RALYL: variants seen among roughly 807,000 people sequenced by gnomAD.
RALYL encodes the protein RNA-binding Raly-like protein.
A neutral mutation model predicts 35.1 loss-of-function variants in RALYL; 29 were observed. That is an observed-to-expected ratio of 0.83 (90% CI 0.61 to 1.13). RALYL has a LOEUF of 1.13. RALYL is among the 50% of genes most tolerant of loss of function. RALYL has a pLI of 0.00. For missense variants in RALYL, 359 were observed against 360.4 expected (o/e 1.00, Z 0.03); for synonymous variants, 120 against 127.6 (o/e 0.94, Z 0.40).
intron 2 of RALYL, among the ~76,000 whole-genome samples, chr8:84,618,192 G>T (rs1235701150): frequency 6.6e-6 from 1 of 151,808 alleles, no homozygotes; most frequent in Non-Finnish European, 1.5e-5. Flanking sequence ...TTGTACCTCT[G>T]GTAGAATTCG....
At chr8:84,486,560 G>T (rs1203207947) in intron 1 of RALYL, among the ~76,000 whole-genome samples, 3 of 151,676 alleles carry the variant, frequency 2.0e-5, no homozygotes, top group African/African-American at 4.8e-5. Context: ...TTGGTCAGAG[G>T]ATACTTTTTA....
rs555299940 is a variant in RALYL, at chr8:84,454,595, T to A, written c.-23-74704T>A. Among the ~76,000 whole-genome samples, 3 of 152,240 alleles carry A rather than the reference T, an allele frequency of 2.0e-5. No individual in the cohort carries two copies. The South Asian group carries it at 6.2e-4, about 32-fold the overall frequency. On this transcript the variant is annotated intron_variant, in intron 1 of 8. Coordinates refer to ENST00000521268, the MANE Select transcript of RALYL (RefSeq NM_173848.7). ...TTAAAACTACGAGCTAGGGGCCACATGCACTGGCTGAGGCTTTGTGGCCAC... is the reference window on the plus strand; with the variant it reads ...TTAAAACTACGAGCTAGGGGCCACAAGCACTGGCTGAGGCTTTGTGGCCAC...
At chr8:84,198,274 A>T (rs1563516576) in intron 1 of RALYL, among the ~76,000 whole-genome samples, 1 of 152,232 alleles carries the variant, frequency 6.6e-6, no homozygotes, top group Admixed American at 6.5e-5. Context: ...ACATTTGTAG[A>T]GGGCTTTATC....
intron 1 of RALYL, among the ~76,000 whole-genome samples, chr8:84,278,322 C>G (rs1385777881): frequency 6.6e-6 from 1 of 152,228 alleles, no homozygotes; most frequent in Non-Finnish European, 1.5e-5. Context: ...GTGCCATGTC[C>G]CAAAGCTGCA....
chr8:84,501,933 A>G lies in RALYL; in HGVS notation c.-23-27366A>G, dbSNP rs193151789. 1.9e-3 allele frequency among the ~76,000 whole-genome samples: 289 copies of G among 151,696 alleles called. 5 individuals carry two copies. The highest frequency in any genetic ancestry group is 0.015 in the Admixed American group (221 of 15,220). On this transcript the variant is annotated intron_variant, in intron 1 of 8. Coordinates refer to ENST00000521268, the MANE Select transcript of RALYL (RefSeq NM_173848.7). ...AATCATAGAATTTTACTCAAGAATG[A>G]AACATGAAGCCTTAGACCATTGAAA...
intron 4 of RALYL, among the ~76,000 whole-genome samples, chr8:84,844,739 A>G (rs972326574): frequency 2.0e-5 from 3 of 152,238 alleles, no homozygotes; most frequent in Non-Finnish European, 4.4e-5. Context: ...ACAATGATAG[A>G]GTGGATTAAG....
chr8:84,685,856 A>G (rs1382623400), intron 2 of RALYL, among the ~76,000 whole-genome samples: 2 of 152,134 alleles, frequency 1.3e-5, no homozygotes, highest in Non-Finnish European at 2.9e-5. Context: ...TGCTTTTGGA[A>G]GTGAGTATTA....
chr8:84,830,781 G>GT (rs1451984156), intron 4 of RALYL, among the ~76,000 whole-genome samples: 3 of 151,820 alleles, frequency 2.0e-5, no homozygotes, highest in African/African-American at 7.3e-5. Flanking sequence ...TGAGTATAAG[G>GT]TTTTTTTCTA....
chr8:84,759,882 C>T (rs751734299), intron 2 of RALYL, among the ~76,000 whole-genome samples: 16 of 152,094 alleles, frequency 1.1e-4, no homozygotes, highest in Admixed American at 3.3e-4. Context: ...TACTGATAAA[C>T]AATATCTTTT....
chr8:84,242,012 AC>A (rs1288050448), intron 1 of RALYL, among the ~76,000 whole-genome samples: 2 of 151,088 alleles, frequency 1.3e-5, no homozygotes, highest in Admixed American at 6.6e-5. Flanking sequence ...TCCCTCCCAC[AC>A]CCCCAACAGG....
In RALYL at chr8:84,895,573, C is replaced by T. The variant is rs1198603652; in HGVS notation, c.858+7797C>T. On this transcript the variant is annotated intron_variant, in intron 8 of 8. Transcript: ENST00000521268. ...TGTTGCCCAAGCTGGAGTGCAGTGG[C>T]GTGATCTTGGCTCACCACAACCTCC... 2.6e-5 allele frequency among the ~76,000 whole-genome samples: 4 copies of T among 152,036 alleles called. No individual in the cohort carries two copies. The South Asian group carries it at 6.2e-4, about 24-fold the overall frequency.
intron 3 of RALYL, among the ~76,000 whole-genome samples, chr8:84,788,322 G>A (rs1820019997): frequency 6.6e-6 from 1 of 152,076 alleles, no homozygotes; most frequent in African/African-American, 2.4e-5. Context: ...CAAGCCATCG[G>A]GAAAGGATTC....
At chr8:84,319,391 G>C (rs568918741) in intron 1 of RALYL, among the ~76,000 whole-genome samples, 3 of 152,182 alleles carry the variant, frequency 2.0e-5, no homozygotes, top group African/African-American at 7.2e-5. Flanking sequence ...TCCTTGGTTT[G>C]AAAGTAGTTT....
At chr8:84,469,104 C>T (rs1305352338) in intron 1 of RALYL, among the ~76,000 whole-genome samples, 2 of 152,188 alleles carry the variant, frequency 1.3e-5, no homozygotes, top group South Asian at 2.1e-4. Flanking sequence ...CCTTCCGTAG[C>T]TCAGAGTAAT....
At chr8:84,555,001 C>A (rs1281076278) in intron 2 of RALYL, among the ~76,000 whole-genome samples, 3 of 152,134 alleles carry the variant, frequency 2.0e-5, no homozygotes, top group Non-Finnish European at 4.4e-5. Flanking sequence ...AATATGTTGG[C>A]CTGGCACAGT....
chr8:84,464,244 A>G (rs1344346421), intron 1 of RALYL, among the ~76,000 whole-genome samples: 1 of 151,308 alleles, frequency 6.6e-6, no homozygotes, highest in Admixed American at 6.6e-5. Flanking sequence ...GCATCCACTA[A>G]CTCGTCATCT....
At chr8:84,582,147 A>G (rs1451311077) in intron 2 of RALYL, among the ~76,000 whole-genome samples, 1 of 152,114 alleles carries the variant, frequency 6.6e-6, no homozygotes, top group Non-Finnish European at 1.5e-5. Context: ...ACACAAAGTT[A>G]TATTGTCATT....
At chr8:84,751,814 T>C (rs1049507350) in intron 2 of RALYL, among the ~76,000 whole-genome samples, 1 of 152,190 alleles carries the variant, frequency 6.6e-6, no homozygotes, top group African/African-American at 2.4e-5. Flanking sequence ...GCCAGTATCA[T>C]GCTTCCTGTA....
At chr8:84,767,155 A>C (rs1017952532) in intron 2 of RALYL, among the ~76,000 whole-genome samples, 1 of 152,212 alleles carries the variant, frequency 6.6e-6, no homozygotes, top group African/African-American at 2.4e-5. Flanking sequence ...ATGTAGTTAC[A>C]TGGCTGGTTA....
Sources: allele counts gnomAD v4.1 joint callset (sites outside exome capture counted in the v4.1 genomes callset), GRCh38; gene constraint gnomAD v4.1.1; transcripts MANE v1.5; gene names NCBI Gene and HGNC (gene_info 2026-07-23, HGNC 2026-07-21).